Variants in HCN1 observed in about 807,000 individuals in gnomAD.
The protein encoded by HCN1 is potassium/sodium hyperpolarization-activated cyclic nucleotide-gated channel 1.
Under a neutral mutation model 78.9 loss-of-function variants are expected in HCN1, and 13 were observed. That is an observed-to-expected ratio of 0.16 (90% CI 0.11 to 0.26). The LOEUF is 0.26. HCN1 is among the 10% of genes least tolerant of loss of function. The pLI is 1.00. For missense variants in HCN1, 810 were observed against 1,154.3 expected (o/e 0.70, Z 4.32); for synonymous variants, 552 against 455.5 (o/e 1.21, Z -2.70).
chr5:45,410,113 G>A (rs1739996452), intron 3 of HCN1, among the ~76,000 whole-genome samples: 1 of 151,920 alleles, frequency 6.6e-6, no homozygotes, highest in Admixed American at 6.6e-5. Context: ...CATGAGTACA[G>A]TTTGCATAGA....
intron 2 of HCN1, among the ~76,000 whole-genome samples, chr5:45,483,254 T>C (rs1007048728): frequency 1.3e-5 from 2 of 152,166 alleles, no homozygotes; most frequent in Non-Finnish European, 2.9e-5. Context: ...CCTTTTTCCA[T>C]AGCTTTGCCA....
At chr5:45,303,214 T>C (rs1199455758) in intron 6 of HCN1, among the ~76,000 whole-genome samples, 1 of 152,172 alleles carries the variant, frequency 6.6e-6, no homozygotes, top group Non-Finnish European at 1.5e-5. Context: ...CTTCTATTAT[T>C]TCTGCCCCAT....
chr5:45,563,482 A>T (rs1056576536), intron 2 of HCN1, among the ~76,000 whole-genome samples: 8 of 151,818 alleles, frequency 5.3e-5, no homozygotes, highest in African/African-American at 1.9e-4. Flanking sequence ...TAAAATAAAA[A>T]ATATATATAG....
At chr5:45,648,398 G>A (rs1745590906) in intron 1 of HCN1, among the ~76,000 whole-genome samples, 1 of 151,760 alleles carries the variant, frequency 6.6e-6, no homozygotes, top group Non-Finnish European at 1.5e-5. Context: ...GAAGCCATTA[G>A]ATATCTCAAT....
chr5:45,508,200 T>C (rs1208923414), intron 2 of HCN1, among the ~76,000 whole-genome samples: 3 of 152,172 alleles, frequency 2.0e-5, no homozygotes, highest in Middle Eastern at 3.2e-3. Context: ...ATTGGAAATG[T>C]ATGTGAAAAG....
At chr5:45,423,485 T>G (rs1273886325) in intron 3 of HCN1, among the ~76,000 whole-genome samples, 5 of 152,210 alleles carry the variant, frequency 3.3e-5, no homozygotes, top group Non-Finnish European at 5.9e-5. Flanking sequence ...CACTTAGACT[T>G]TCCTGCATCA....
chr5:45,620,061 A>G (rs1413146843), intron 2 of HCN1, among the ~76,000 whole-genome samples: 6 of 152,120 alleles, frequency 3.9e-5, no homozygotes, highest in Admixed American at 3.9e-4. Flanking sequence ...TCATCTAAGC[A>G]GCATTTTTCC....
chr5:45,381,375 T>C (rs978032431), intron 4 of HCN1, among the ~76,000 whole-genome samples: 2 of 152,148 alleles, frequency 1.3e-5, no homozygotes. Flanking sequence ...AGTGAATTTT[T>C]TACTTTCTAC....
intron 2 of HCN1, among the ~76,000 whole-genome samples, chr5:45,616,691 A>G (rs375436437): frequency 2.6e-5 from 4 of 152,070 alleles, no homozygotes; most frequent in South Asian, 2.1e-4. Context: ...AGAGAAGTTA[A>G]TGAAAAAATA....
At chr5:45,575,523 T>C (rs1221369332) in intron 2 of HCN1, 1 of 152,050 alleles carries the variant, frequency 6.6e-6, no homozygotes, top group Non-Finnish European at 1.5e-5. Context: ...CATGTATGCA[T>C]ATGTAACAAA....
intron 1 of HCN1, among the ~76,000 whole-genome samples, chr5:45,693,481 T>C (rs1162390797): frequency 1.3e-5 from 2 of 152,176 alleles, no homozygotes; most frequent in African/African-American, 4.8e-5. Flanking sequence ...TATTCCAAAC[T>C]ACTCCACACT....
chr5:45,607,838 C>T (rs1744753450), intron 2 of HCN1, among the ~76,000 whole-genome samples: 1 of 151,620 alleles, frequency 6.6e-6, no homozygotes, highest in South Asian at 2.1e-4. Flanking sequence ...AGAAAGAATA[C>T]CTGCTGTCAC....
intron 2 of HCN1, chr5:45,641,582 A>G (rs1580013178): frequency 6.6e-6 from 1 of 152,330 alleles, no homozygotes; most frequent in East Asian, 1.9e-4. Flanking sequence ...TTATAGTTAT[A>G]TATTCCAAAG....
At chr5:45,329,516 CCCTT>C (rs1746304001) in intron 5 of HCN1, among the ~76,000 whole-genome samples, 2 of 151,314 alleles carry the variant, frequency 1.3e-5, no homozygotes, top group African/African-American at 2.4e-5. Context: ...TGCTCCACTC[CCCTT>C]TCTGTCTCCT....
At chr5:45,427,786 T>C (rs1164591703) in intron 3 of HCN1, among the ~76,000 whole-genome samples, 1 of 152,146 alleles carries the variant, frequency 6.6e-6, no homozygotes, top group Admixed American at 6.6e-5. Flanking sequence ...AAGTATAAAA[T>C]GTTTTTATGT....
intron 3 of HCN1, among the ~76,000 whole-genome samples, chr5:45,423,925 C>T (rs1174293163): frequency 6.6e-6 from 1 of 151,934 alleles, no homozygotes; most frequent in Admixed American, 6.6e-5. Flanking sequence ...CCTGATCTTG[C>T]TAAATTCATT....
chr5:45,614,740 G>C (rs948669041), intron 2 of HCN1, among the ~76,000 whole-genome samples: 1 of 152,066 alleles, frequency 6.6e-6, no homozygotes. Flanking sequence ...AGCTAAAGCA[G>C]CAAAATTTGA....
intron 3 of HCN1, among the ~76,000 whole-genome samples, chr5:45,425,105 G>A (rs1478126029): frequency 1.3e-5 from 2 of 152,194 alleles, no homozygotes; most frequent in African/African-American, 4.8e-5. Context: ...CAAGGGATAA[G>A]TGGTGGTTTG....
intron 5 of HCN1, among the ~76,000 whole-genome samples, chr5:45,335,778 T>C (rs1032128041): frequency 1.3e-5 from 2 of 152,098 alleles, no homozygotes; most frequent in African/African-American, 2.4e-5. Context: ...ACTTAATCTT[T>C]ACAACTCTGT....
Sources: gnomAD v4.1 joint callset for allele counts (sites outside exome capture counted in the v4.1 genomes callset) on GRCh38, gnomAD v4.1.1 for gene constraint, MANE v1.5 for transcripts, NCBI Gene and HGNC (gene_info 2026-07-23, HGNC 2026-07-21) for gene names.